Variants in NAALADL2 observed in about 807,000 individuals in gnomAD.
The protein encoded by NAALADL2 is inactive N-acetylated-alpha-linked acidic dipeptidase-like protein 2.
In NAALADL2, 76 loss-of-function variants were observed where a neutral mutation model predicts 87.2. The observed-to-expected ratio is 0.87, with a 90% confidence interval of 0.72 to 1.05. NAALADL2 has a LOEUF of 1.05. NAALADL2 is among the 50% of genes least tolerant of loss of function. NAALADL2 has a pLI of 0.00. For synonymous variants in NAALADL2, 354 were observed against 331.0 expected (o/e 1.07, Z -0.75); for missense variants, 1,089 against 945.8 (o/e 1.15, Z -1.99).
At chr3:175,337,537 G>A (rs990736692) in intron 5 of NAALADL2, among the ~76,000 whole-genome samples, 1 of 152,008 alleles carries the variant, frequency 6.6e-6, no homozygotes, top group African/African-American at 2.4e-5. Flanking sequence ...TGTGAAGCAC[G>A]AACAAAATAT....
At position 175,803,501 on chromosome 3, in the gene NAALADL2, C is replaced by T. The variant is rs961374455; in HGVS notation, c.*298C>T. The stretch of plus-strand genomic sequence containing the variant: ...TATGTACTATTTTAAGGAAAAATTT[C>T]CAAGAAGTTCTGGACTATCTTTGTT... On this transcript the variant is annotated 3_prime_UTR_variant, in exon 14 of 14. Transcript: ENST00000454872. 1.5e-5 allele frequency: 3 copies of T among 194,030 alleles called. No homozygotes were observed. In the Admixed American group the frequency reaches 1.7e-4, roughly 11 times the overall value. The allele number at this position is 194,030 out of a possible 1,614,324, so 12.0% of individuals were successfully genotyped here. A position where few individuals can be genotyped will look rare whatever the true frequency, so the allele number is the denominator to read the frequency against.
intron 1 of NAALADL2, among the ~76,000 whole-genome samples, chr3:174,990,391 A>C (rs1431683659): frequency 1.3e-5 from 2 of 152,162 alleles, no homozygotes; most frequent in Non-Finnish European, 2.9e-5. Flanking sequence ...CTGAGCCGAA[A>C]AAATGAAGCC....
intron 1 of NAALADL2, among the ~76,000 whole-genome samples, chr3:174,983,791 C>T (rs1018909743): frequency 6.6e-6 from 1 of 152,138 alleles, no homozygotes; most frequent in Admixed American, 6.6e-5. Flanking sequence ...TAGACCATAG[C>T]AATTGACTTG....
intron 9 of NAALADL2, among the ~76,000 whole-genome samples, chr3:175,511,960 G>A (rs7630065): frequency 0.085 from 12,888 of 152,206 alleles, 621 homozygotes; most frequent in South Asian, 0.12. Flanking sequence ...CAGGTTCCTA[G>A]GCTGGGCATG....
chr3:175,435,064 C>A (rs1016849112), intron 5 of NAALADL2, among the ~76,000 whole-genome samples: 1 of 151,914 alleles, frequency 6.6e-6, no homozygotes, highest in Admixed American at 6.6e-5. Context: ...ATCATATATA[C>A]AATTTTTTCT....
intron 3 of NAALADL2, among the ~76,000 whole-genome samples, chr3:174,820,093 C>T (rs1484441729): frequency 6.6e-6 from 1 of 152,012 alleles, no homozygotes; most frequent in Admixed American, 6.6e-5. Context: ...ATGTATTTTA[C>T]AGTTGTTTTT....
chr3:175,600,464 G>T (rs930823374), intron 10 of NAALADL2, among the ~76,000 whole-genome samples: 5 of 142,286 alleles, frequency 3.5e-5, no homozygotes, highest in Admixed American at 2.1e-4. Context: ...ATTTTTCTGA[G>T]CATTTTTCCT....
At chr3:175,416,264 CT>C (rs1349968613) in intron 5 of NAALADL2, among the ~76,000 whole-genome samples, 3 of 152,072 alleles carry the variant, frequency 2.0e-5, no homozygotes, top group Non-Finnish European at 2.9e-5. Context: ...ACATTTAATG[CT>C]CTATTGTAAT....
chr3:174,640,097 G>A (rs750954877), intron 2 of NAALADL2, among the ~76,000 whole-genome samples: 2 of 152,162 alleles, frequency 1.3e-5, no homozygotes, highest in African/African-American at 2.4e-5. Context: ...GGGGAGGGAA[G>A]CTTGGTATAT....
At chr3:175,797,160 T>C (rs1054345926) in intron 13 of NAALADL2, among the ~76,000 whole-genome samples, 2 of 152,150 alleles carry the variant, frequency 1.3e-5, no homozygotes, top group African/African-American at 4.8e-5. Flanking sequence ...ATCAATAATA[T>C]ATTACACTTT....
intron 2 of NAALADL2, among the ~76,000 whole-genome samples, chr3:174,575,820 G>A (rs925080858): frequency 5.9e-5 from 9 of 152,170 alleles, no homozygotes; most frequent in African/African-American, 1.9e-4. Flanking sequence ...GATGCCTATT[G>A]TGCCCCAGAC....
chr3:175,142,060 C>T (rs1730078186), intron 2 of NAALADL2, among the ~76,000 whole-genome samples: 1 of 152,084 alleles, frequency 6.6e-6, no homozygotes, highest in Non-Finnish European at 1.5e-5. Flanking sequence ...CTTTCTTAAA[C>T]TACCCTCGAC....
chr3:174,888,130 G>A (rs550492210), intron 1 of NAALADL2, among the ~76,000 whole-genome samples: 1 of 152,156 alleles, frequency 6.6e-6, no homozygotes, highest in Non-Finnish European at 1.5e-5. Flanking sequence ...AGTATCCCTA[G>A]CAGAGAAAAT....
chr3:174,441,842 A>G (rs896275399), intron 1 of NAALADL2, among the ~76,000 whole-genome samples: 10 of 149,774 alleles, frequency 6.7e-5, no homozygotes, highest in South Asian at 2.1e-4. Context: ...ATTTCAACCT[A>G]TGGTCCTTAA....
chr3:174,781,293 T>G (rs1715954349), intron 3 of NAALADL2, among the ~76,000 whole-genome samples: 1 of 151,938 alleles, frequency 6.6e-6, no homozygotes, highest in African/African-American at 2.4e-5. Context: ...CTTTGTGGTG[T>G]TCTCTGTATT....
rs1433955638 is a variant in NAALADL2, at chr3:174,843,123, CT to C, written c.-9+105382del. ...GTATAGTAAGACCATTCAAAAGCCT[CT>C]TTTTGATCTATTTTGTAATACATTA... On this transcript the variant is annotated intron_variant, in intron 3 of 3. Transcript: ENST00000434257. Among the ~76,000 whole-genome samples the C allele has an allele frequency of 3.9e-5, 6 of 152,042 alleles. No individual in the cohort carries two copies. In the East Asian group the frequency reaches 1.2e-3, roughly 29 times the overall value.
chr3:175,681,532 A>G (rs1275532545), intron 11 of NAALADL2, among the ~76,000 whole-genome samples: 1 of 152,248 alleles, frequency 6.6e-6, no homozygotes, highest in African/African-American at 2.4e-5. Context: ...TTTTTACTAT[A>G]AAGCCTTAAA....
At chr3:175,636,473 C>T (rs1337329367) in intron 11 of NAALADL2, among the ~76,000 whole-genome samples, 1 of 152,002 alleles carries the variant, frequency 6.6e-6, no homozygotes, top group Non-Finnish European at 1.5e-5. Flanking sequence ...CCGAGCAGGG[C>T]AGATCACCTG....
chr3:174,667,687 G>C (rs774749820), intron 2 of NAALADL2, among the ~76,000 whole-genome samples: 1 of 151,874 alleles, frequency 6.6e-6, no homozygotes, highest in Admixed American at 6.6e-5. Context: ...CCTGGTGGGT[G>C]AGAGTTCTGC....
Sources: allele counts gnomAD v4.1 joint callset (sites outside exome capture counted in the v4.1 genomes callset), GRCh38; gene constraint gnomAD v4.1.1; transcripts MANE v1.5; gene names NCBI Gene and HGNC (gene_info 2026-07-23, HGNC 2026-07-21).